Variants in CAPRIN1 observed in about 807,000 individuals in gnomAD.
CAPRIN1 encodes the protein cell cycle associated protein 1, also known as caprin-1.
A neutral mutation model predicts 100.9 loss-of-function variants in CAPRIN1; 29 were observed. The ratio of observed to expected loss-of-function variants is 0.29; its 90% CI spans 0.21 to 0.39. CAPRIN1 has a LOEUF of 0.39. Among genes scored for constraint, CAPRIN1 ranks in the 10% least tolerant of loss-of-function variants. The pLI is 1.00. For synonymous variants in CAPRIN1, 338 were observed against 307.5 expected, an observed-to-expected ratio of 1.10 and a Z score of -1.04; for missense variants, 795 against 876.7, an observed-to-expected ratio of 0.91 and a Z score of 1.18.
intron 2 of CAPRIN1, among the ~76,000 whole-genome samples, chr11:34,057,169 C>A (rs1188933790): frequency 6.6e-6 from 1 of 152,150 alleles, no homozygotes; most frequent in Non-Finnish European, 1.5e-5. Context: ...CATTTAAGAT[C>A]TCTTGATGTG....
chr11:34,099,431 C>A lies in CAPRIN1; in HGVS notation c.*64C>A, dbSNP rs975016585. 3 of 1,296,850 alleles carry A rather than the reference C, an allele frequency of 2.3e-6. No homozygotes were observed. The highest frequency in any genetic ancestry group is 2.3e-5 in the East Asian group (1 of 43,054). The allele number at this position is 1,296,850 out of a possible 1,614,324, so 80.3% of individuals were successfully genotyped here. A position where few individuals can be genotyped will look rare whatever the true frequency, so the allele number is the denominator to read the frequency against. On this transcript the variant is annotated 3_prime_UTR_variant, in exon 19 of 19. Coordinates refer to ENST00000341394, the MANE Select transcript of CAPRIN1 (RefSeq NM_005898.5). ...CTGGCCAGTGTACCATAATATGTTA[C>A]CAGAAGAGTTATTATCTATTTGTTC...
At chr11:34,097,581 T>TC in intron 17 of CAPRIN1, 117 bp from the exon 18 acceptor site, 1 of 1,084,928 alleles carries the variant, frequency 9.2e-7, no homozygotes, top group Non-Finnish European at 1.4e-6. Context: ...GATAAACTGA[T>TC]ACTGAAGTGT....
chr11:34,077,162 A>T (rs893932149), intron 6 of CAPRIN1, among the ~76,000 whole-genome samples: 2 of 152,220 alleles, frequency 1.3e-5, no homozygotes, highest in Non-Finnish European at 2.9e-5. Context: ...TAATGTGGAA[A>T]TCAGAACACC....
chr11:34,090,234 A>T lies in CAPRIN1; in HGVS notation c.1349A>T (p.Gln450Leu). ...TACACAGCATCTCAACCCTTGTACC[A>T]GCCTTCTCATGCTACAGAGCAACGA... ...EGYTASQPLY[Q>L]PSHATEQRPQ... is the part of the protein sequence containing the mutation. Residue 450 changes from glutamine (Q) to leucine (L), a missense_variant, in exon 13 of 19, where the codon CAG becomes CTG. Physicochemically the swap from Gln to Leu is moderately radical, Grantham distance 113 (BLOSUM62 -2). Coordinates refer to ENST00000341394, the MANE Select transcript of CAPRIN1 (RefSeq NM_005898.5). 1 of 1,614,084 alleles carries T rather than the reference A, an allele frequency of 6.2e-7. No individual in the cohort carries two copies. Among genetic ancestry groups the T allele is most frequent in the Non-Finnish European group, 8.5e-7 (1 of 1,179,974 alleles).
intron 9 of CAPRIN1, among the ~76,000 whole-genome samples, chr11:34,083,660 G>A (rs911794077): frequency 1.3e-5 from 2 of 152,188 alleles, no homozygotes; most frequent in African/African-American, 4.8e-5. Flanking sequence ...ACTGGTCCTG[G>A]CCTTCCTTTT....
rs566457539 is a variant in CAPRIN1, at chr11:34,076,582, G to T, written c.628G>T (p.Ala210Ser). The part of the protein sequence containing the change: ...SLRLNEQYEH[A>S]SIHLWDLLEG... ...AAGGTTGAATGAACAGTATGAACAT[G>T]CCTCCATTCACCTGTGGGACCTGCT... is the stretch of plus-strand genomic sequence containing the variant. Residue 210 changes from alanine (A) to serine (S), a missense_variant, in exon 6 of 19, where the codon GCC becomes TCC. Physicochemically the swap from Ala to Ser is moderately conservative, Grantham distance 99. Around this residue, in one of 3 missense-constraint regions of CAPRIN1, gnomAD observed 648 missense variants for 697.9 expected, o/e 0.93. Coordinates refer to ENST00000341394, the MANE Select transcript of CAPRIN1 (RefSeq NM_005898.5). The T allele has an allele frequency of 6.2e-7, 1 of 1,613,834 alleles. No individual in the cohort carries two copies. Among genetic ancestry groups the T allele is most frequent in the Non-Finnish European group, 8.5e-7 (1 of 1,179,752 alleles).
At chr11:34,094,221 C>T (rs1851321529) in intron 15 of CAPRIN1, among the ~76,000 whole-genome samples, 1 of 151,984 alleles carries the variant, frequency 6.6e-6, no homozygotes, top group Non-Finnish European at 1.5e-5. Flanking sequence ...TCACTGCAAC[C>T]TCCGCCTCTT....
chr11:34,096,952 ATTGT>A (rs1270431551), intron 16 of CAPRIN1, among the ~76,000 whole-genome samples: 1 of 152,066 alleles, frequency 6.6e-6, no homozygotes, highest in Admixed American at 6.5e-5. Flanking sequence ...ACTTACGGGG[ATTGT>A]TTATTATATT....
intron 2 of CAPRIN1, among the ~76,000 whole-genome samples, chr11:34,068,298 T>C (rs142666989): frequency 8.5e-5 from 13 of 152,352 alleles, no homozygotes; most frequent in African/African-American, 3.1e-4. Flanking sequence ...GATAGATTGC[T>C]TTTATGACTC....
At chr11:34,096,772 T>C in intron 16 of CAPRIN1, 99 bp downstream of exon 16, 1 of 795,032 alleles carries the variant, frequency 1.3e-6, no homozygotes, top group Non-Finnish European at 2.0e-6. Context: ...AGGATGTATC[T>C]GCATTAGCCT....
Position 34,099,370 on chromosome 11 carries a change from T to C in CAPRIN1, c.*3T>C. 6.2e-7 allele frequency: 1 copy of C among 1,612,270 alleles called. No homozygotes were observed. The highest frequency in any genetic ancestry group is 8.5e-7 in the Non-Finnish European group (1 of 1,178,322). Reference sequence around the variant, plus strand: ...TGAACACTCAGCAAGTGAATTAATCTGATTCACAGGATTATGTTTAATCGC... The same window carrying C: ...TGAACACTCAGCAAGTGAATTAATCCGATTCACAGGATTATGTTTAATCGC... On this transcript the variant is annotated 3_prime_UTR_variant, in exon 19 of 19. Transcript: ENST00000341394.
rs1389014351 is a variant in CAPRIN1 at position 34,086,170 on chromosome 11, G to A, written c.1073G>A (p.Arg358Gln). 6 of 1,613,998 alleles carry A rather than the reference G, an allele frequency of 3.7e-6. No individual in the cohort carries two copies. The highest frequency in any genetic ancestry group is 3.3e-5 in the Admixed American group (2 of 59,986). The change falls in exon 10 of 19, where the codon CGA becomes CAA. Residue 358 changes from arginine to glutamine, a missense_variant. Arg to Gln is a conservative substitution (Grantham distance 43, BLOSUM62 1). Transcript: ENST00000341394. Reference sequence around the variant, plus strand: ...GCAGATCCCCTTGTGAGAAGACAGCGAGTACAAGACCTTATGGCACAAATG... The same window carrying A: ...GCAGATCCCCTTGTGAGAAGACAGCAAGTACAAGACCTTATGGCACAAATG... ...AQADPLVRRQ[R>Q]VQDLMAQMQG...
At chr11:34,062,146 CTT>C (rs1339163140) in intron 2 of CAPRIN1, among the ~76,000 whole-genome samples, 1 of 152,074 alleles carries the variant, frequency 6.6e-6, no homozygotes, top group Non-Finnish European at 1.5e-5. Flanking sequence ...ATTGAGGAAA[CTT>C]TTGCTTACTA....
At chr11:34,056,732 A>C (rs1171905337) in intron 2 of CAPRIN1, among the ~76,000 whole-genome samples, 1 of 152,234 alleles carries the variant, frequency 6.6e-6, no homozygotes, top group Non-Finnish European at 1.5e-5. Context: ...GTGATATAGA[A>C]TAAAGGATGT....
chr11:34,089,766 T>C (rs916900791), intron 12 of CAPRIN1, among the ~76,000 whole-genome samples: 4 of 152,152 alleles, frequency 2.6e-5, no homozygotes, highest in African/African-American at 9.6e-5. Flanking sequence ...TTTATTTTTA[T>C]GTTTAGGTTC....
At chr11:34,058,426 C>T (rs1413549477) in intron 2 of CAPRIN1, among the ~76,000 whole-genome samples, 1 of 152,218 alleles carries the variant, frequency 6.6e-6, no homozygotes, top group African/African-American at 2.4e-5. Context: ...CGTGAGCCAC[C>T]ACACCCGGCC....
chr11:34,086,742 A>G (rs948909613), intron 11 of CAPRIN1, among the ~76,000 whole-genome samples: 3 of 152,200 alleles, frequency 2.0e-5, no homozygotes, highest in African/African-American at 7.2e-5. Context: ...GTTTCCTTTC[A>G]ATCACTAGTT....
rs7938575 is a variant in CAPRIN1, at chr11:34,083,424, C to T, written c.966+383C>T. Among the ~76,000 whole-genome samples the T allele has an allele frequency of 5.0e-3, 765 of 152,300 alleles. 2 individuals carry two copies. Among genetic ancestry groups the T allele is most frequent in the African/African-American group, 0.018 (737 of 41,564 alleles). On this transcript the variant is annotated intron_variant, in intron 9 of 18. Transcript: ENST00000341394. ...TGTTTGGTCACCAGGCTGTAGACTT[C>T]CTCTAGCGTTTTCTAATGCTGTCTC...
chr11:34,099,321 G>T lies in CAPRIN1; in HGVS notation c.2084G>T (p.Arg695Ile). The T allele has an allele frequency of 6.2e-7, 1 of 1,613,940 alleles. No homozygotes were observed. The highest frequency in any genetic ancestry group is 8.5e-7 in the Non-Finnish European group (1 of 1,179,874). Residue 695 changes from arginine (R) to isoleucine (I), a missense_variant, in exon 19 of 19, where the codon AGA (arginine) becomes ATA (isoleucine). Physicochemically the swap from Arg to Ile is moderately conservative, Grantham distance 97. Transcript: ENST00000341394. The stretch of plus-strand genomic sequence containing the variant: ...CTTCTAGGTCGTGGAGGGCCCCCAA[G>T]ACCCAACAGAGGGATGCCGCAAATG... ...GAPRGRGGPPRPNRGMPQMNT... is the reference protein window; with the variant it reads ...GAPRGRGGPPIPNRGMPQMNT...
Sources: gnomAD v4.1 joint callset for allele counts (sites outside exome capture counted in the v4.1 genomes callset) on GRCh38, gnomAD v4.1.1 for gene constraint, gnomAD v4.1.1 regional missense constraint, MANE v1.5 for transcripts, NCBI Gene and HGNC (gene_info 2026-07-23, HGNC 2026-07-21) for gene names.